GABRB1: variants seen among roughly 807,000 people sequenced by gnomAD.
The protein encoded by GABRB1 is gamma-aminobutyric acid type A receptor subunit beta1.
Under a neutral mutation model 51.6 loss-of-function variants are expected in GABRB1, and 17 were observed. The observed-to-expected ratio is 0.33, with a 90% CI of 0.23 to 0.49. GABRB1 has a LOEUF of 0.49. GABRB1 is among the 20% of genes least tolerant of loss of function. The pLI is 0.99. For synonymous variants in GABRB1, 247 were observed against 218.9 expected, an observed-to-expected ratio of 1.13 and a Z score of -1.14; for missense variants, 410 against 600.6, an observed-to-expected ratio of 0.68 and a Z score of 3.32.
At chr4:47,119,501 T>C (rs1715660560) in intron 3 of GABRB1, among the ~76,000 whole-genome samples, 2 of 137,314 alleles carry the variant, frequency 1.5e-5, no homozygotes, top group Non-Finnish European at 3.1e-5. Context: ...AAACATTTTC[T>C]TTTTCTTTCT....
intron 4 of GABRB1, among the ~76,000 whole-genome samples, chr4:47,218,480 C>G (rs1251001005): frequency 1.3e-5 from 2 of 151,760 alleles, no homozygotes; most frequent in Non-Finnish European, 3.0e-5. Flanking sequence ...TTTCCCTGCC[C>G]CCTTGCCAAC....
rs180893284 is a variant in GABRB1 at position 47,000,012 on chromosome 4, C to A, written c.-20+6086C>A. ...TAAAATTACTACCTTAAAGCCAGTACAGGGAGACAGATTTGAGCTGGACTC... is the reference window on the plus strand; with the variant it reads ...TAAAATTACTACCTTAAAGCCAGTAAAGGGAGACAGATTTGAGCTGGACTC... On this transcript the variant is annotated intron_variant, in intron 1 of 3. Transcript: ENST00000513567. Among the ~76,000 whole-genome samples the A allele has an allele frequency of 1.8e-3, 274 of 152,282 alleles. 1 individual carries two copies. The highest frequency in any genetic ancestry group is 6.5e-3 in the African/African-American group (270 of 41,546).
chr4:47,196,231 C>T (rs748775833), intron 4 of GABRB1, among the ~76,000 whole-genome samples: 1 of 152,206 alleles, frequency 6.6e-6, no homozygotes. Flanking sequence ...TCAAACTGAA[C>T]ATGAATGTAA....
chr4:47,239,790 A>T (rs1378559614), intron 4 of GABRB1, among the ~76,000 whole-genome samples: 2 of 152,160 alleles, frequency 1.3e-5, no homozygotes, highest in Non-Finnish European at 2.9e-5. Flanking sequence ...TGCAGAGTGG[A>T]TGGATGCAGT....
intron 5 of GABRB1, among the ~76,000 whole-genome samples, chr4:47,366,558 A>G (rs1471520212): frequency 1.3e-5 from 2 of 152,194 alleles, no homozygotes; most frequent in Non-Finnish European, 2.9e-5. Flanking sequence ...ATCTGGCTCC[A>G]AACTGAGTCT....
At chr4:47,206,897 T>G (rs867697930) in intron 4 of GABRB1, among the ~76,000 whole-genome samples, 22 of 151,824 alleles carry the variant, frequency 1.4e-4, no homozygotes, top group Middle Eastern at 3.4e-3. Flanking sequence ...TATATGTATA[T>G]GTGTGTGTGT....
chr4:47,246,277 C>CATATATATATATATATATATATAT (rs1160512931), intron 4 of GABRB1, among the ~76,000 whole-genome samples: 3 of 72,744 alleles, frequency 4.1e-5, no homozygotes, highest in African/African-American at 1.6e-4. Context: ...AGTATTCCAT[C>CATATATATATATATATATATATAT]ATATATATAT....
intron 4 of GABRB1, among the ~76,000 whole-genome samples, chr4:47,225,858 A>T (rs1021321425): frequency 6.6e-6 from 1 of 152,178 alleles, no homozygotes; most frequent in African/African-American, 2.4e-5. Flanking sequence ...ATGCATGCGT[A>T]GTGGATGAGG....
intron 4 of GABRB1, among the ~76,000 whole-genome samples, chr4:47,199,934 T>C (rs569277477): frequency 1.9e-3 from 287 of 152,334 alleles, no homozygotes; most frequent in Middle Eastern, 6.8e-3. Flanking sequence ...CACATTGTTA[T>C]TGTTTTTCTC....
chr4:47,379,894 C>G (rs1169257490), intron 5 of GABRB1, among the ~76,000 whole-genome samples: 1 of 152,172 alleles, frequency 6.6e-6, no homozygotes, highest in Non-Finnish European at 1.5e-5. Context: ...TCCTAAGCCT[C>G]AGTTCCCTAA....
Position 47,004,208 on chromosome 4 carries a change from C to T in GABRB1, c.-20+10282C>T, listed in dbSNP as rs1483804022. ...TTCACCATGTTGGCCAGGTTGGTCT[C>T]GATCTCCTTACCTTGTGATCTGCCT... On this transcript the variant is annotated intron_variant, in intron 1 of 3. Transcript: ENST00000513567. 2.6e-5 allele frequency among the ~76,000 whole-genome samples: 4 copies of T among 152,048 alleles called. No homozygotes were observed. In the East Asian group the frequency reaches 7.7e-4, roughly 29 times the overall value.
At chr4:47,223,056 A>C (rs569421627) in intron 4 of GABRB1, among the ~76,000 whole-genome samples, 92 of 152,254 alleles carry the variant, frequency 6.0e-4, no homozygotes, top group African/African-American at 2.2e-3. Context: ...AAGGAGGAGC[A>C]ATATCCCTAA....
intron 5 of GABRB1, among the ~76,000 whole-genome samples, chr4:47,349,564 C>T (rs1421188727): frequency 6.6e-6 from 1 of 152,166 alleles, no homozygotes; most frequent in Non-Finnish European, 1.5e-5. Flanking sequence ...TCATGCCATC[C>T]TGCTCCATCA....
At chr4:47,368,562 A>T (rs990183834) in intron 5 of GABRB1, among the ~76,000 whole-genome samples, 4 of 152,154 alleles carry the variant, frequency 2.6e-5, no homozygotes, top group Non-Finnish European at 5.9e-5. Context: ...ACACTAAGAA[A>T]TCTTGCTCTA....
chr4:47,127,248 C>T (rs889150023), intron 3 of GABRB1, among the ~76,000 whole-genome samples: 2 of 151,616 alleles, frequency 1.3e-5, no homozygotes, highest in African/African-American at 4.8e-5. Flanking sequence ...ATAATATCAA[C>T]ATGCTTATAA....
chr4:47,123,679 T>C (rs1264641694), intron 3 of GABRB1, among the ~76,000 whole-genome samples: 1 of 74,358 alleles, frequency 1.3e-5, no homozygotes, highest in Non-Finnish European at 2.3e-5. Context: ...ATATGATATA[T>C]CATATATATG....
chr4:47,228,106 C>T (rs1721016177), intron 4 of GABRB1, among the ~76,000 whole-genome samples: 1 of 152,130 alleles, frequency 6.6e-6, no homozygotes, highest in Non-Finnish European at 1.5e-5. Context: ...TGTGAACTCT[C>T]AAAATTCATG....
chr4:47,301,161 G>A (rs1279622685), intron 4 of GABRB1, among the ~76,000 whole-genome samples: 1 of 151,888 alleles, frequency 6.6e-6, no homozygotes, highest in African/African-American at 2.4e-5. Flanking sequence ...TTCATTTCTA[G>A]GAACCAAAAA....
intron 5 of GABRB1, among the ~76,000 whole-genome samples, chr4:47,393,089 G>C (rs1271558034): frequency 6.6e-6 from 1 of 152,208 alleles, no homozygotes; most frequent in Admixed American, 6.5e-5. Context: ...ATAACTCATG[G>C]ATGGCTCTGG....
Sources: gnomAD v4.1 joint callset for allele counts (sites outside exome capture counted in the v4.1 genomes callset) on GRCh38, gnomAD v4.1.1 for gene constraint, MANE v1.5 for transcripts, NCBI Gene and HGNC (gene_info 2026-07-23, HGNC 2026-07-21) for gene names.